The following GFM2 variants were observed in gnomAD, a reference collection of about 807,000 sequenced individuals.
The protein encoded by GFM2 is GTP dependent ribosome recycling factor mitochondrial 2.
Under a neutral mutation model 95.4 loss-of-function variants are expected in GFM2, and 72 were observed. The ratio of observed to expected loss-of-function variants is 0.76; its 90% CI spans 0.62 to 0.92. GFM2 has a LOEUF of 0.92. Ranked by LOEUF, GFM2 falls within the 40% of genes least tolerant of loss-of-function variation. The pLI, the probability that GFM2 is intolerant of heterozygous loss-of-function variation, is 0.00. For missense variants in GFM2, 825 were observed against 924.1 expected, an observed-to-expected ratio of 0.89 and a Z score of 1.39; for synonymous variants, 276 against 317.5, an observed-to-expected ratio of 0.87 and a Z score of 1.39.
At chr5:74,744,638 G>A (rs1040163804) in intron 10 of GFM2, among the ~76,000 whole-genome samples, 2 of 152,020 alleles carry the variant, frequency 1.3e-5, no homozygotes, top group Non-Finnish European at 2.9e-5. Context: ...TAAAATTGAT[G>A]GTTTTAAAAT....
At chr5:74,738,007 C>T (rs1158435291) in intron 14 of GFM2, among the ~76,000 whole-genome samples, 1 of 151,988 alleles carries the variant, frequency 6.6e-6, no homozygotes, top group Non-Finnish European at 1.5e-5. Context: ...CCAATGGGAA[C>T]AAAACAATAT....
chr5:74,721,902 T>C (rs1178386684), intron 20 of GFM2, 119 bp from the exon 21 acceptor site: 1 of 852,836 alleles, frequency 1.2e-6, no homozygotes, highest in Non-Finnish European at 1.8e-6. Flanking sequence ...GGCTTAGCCA[T>C]ATCACTTCCT....
At chr5:74,747,974 T>G (rs1255280713) in intron 7 of GFM2, among the ~76,000 whole-genome samples, 194 bp from the exon 8 acceptor site, 1 of 152,174 alleles carries the variant, frequency 6.6e-6, no homozygotes, top group Non-Finnish European at 1.5e-5. Flanking sequence ...CGTGATGAAG[T>G]GTGAAGGGGA....
chr5:74,758,007 T>C (rs1008194601), intron 5 of GFM2, among the ~76,000 whole-genome samples: 11 of 152,134 alleles, frequency 7.2e-5, no homozygotes, highest in African/African-American at 2.7e-4. Context: ...GTTTTGAAGA[T>C]TGGTTGCACA....
intron 17 of GFM2, among the ~76,000 whole-genome samples, chr5:74,728,090 C>T (rs866580810): frequency 1.6e-4 from 25 of 152,082 alleles, no homozygotes; most frequent in African/African-American, 5.8e-4. Context: ...TATGTGAGAT[C>T]ATGCCCATCG....
chr5:74,746,338 A>T (rs1337422975), intron 8 of GFM2, among the ~76,000 whole-genome samples, 173 bp from the exon 9 acceptor site: 4 of 152,246 alleles, frequency 2.6e-5, no homozygotes, highest in Non-Finnish European at 1.5e-5. Context: ...AAATGTCTGG[A>T]ATAAACTTTT....
chr5:74,751,526 T>C (rs371096174), intron 5 of GFM2, 33 bp from the exon 6 acceptor site: 57 of 1,544,668 alleles, frequency 3.7e-5, no homozygotes, highest in Non-Finnish European at 4.5e-5. Context: ...AGTTTAGTCT[T>C]AATAGCAAGT....
intron 2 of GFM2, 56 bp downstream of exon 2, chr5:74,763,624 G>A: frequency 1.0e-6 from 1 of 964,648 alleles, no homozygotes. Flanking sequence ...GGGCATTTTA[G>A]GCAGTAAAGG....
At chr5:74,730,549 C>G (rs973660067) in intron 16 of GFM2, 151 bp from the exon 17 acceptor site, 1 of 483,186 alleles carries the variant, frequency 2.1e-6, no homozygotes, top group African/African-American at 2.0e-5. Context: ...TACATCAAAA[C>G]ATTGCTTTTG....
chr5:74,731,680 G>A (rs893381895), intron 16 of GFM2, among the ~76,000 whole-genome samples: 6 of 152,022 alleles, frequency 3.9e-5, no homozygotes, highest in Admixed American at 1.3e-4. Context: ...AACTATTTGG[G>A]GAAAATAGTT....
At chr5:74,747,019 C>T (rs531293019) in intron 8 of GFM2, among the ~76,000 whole-genome samples, 2 of 152,202 alleles carry the variant, frequency 1.3e-5, no homozygotes, top group Non-Finnish European at 2.9e-5. Context: ...TCACAGGCCA[C>T]AATCTCTCCC....
chr5:74,763,527 GTAAT>G (rs1354144268), intron 2 of GFM2, among the ~76,000 whole-genome samples, 149 bp downstream of exon 2: 1 of 152,020 alleles, frequency 6.6e-6, no homozygotes, highest in African/African-American at 2.4e-5. Flanking sequence ...ATAAATTAAG[GTAAT>G]TACTTTCAAA....
intron 17 of GFM2, 41 bp from the exon 18 acceptor site, chr5:74,726,167 G>C: frequency 6.7e-7 from 1 of 1,489,196 alleles, no homozygotes; most frequent in East Asian, 2.3e-5. Flanking sequence ...GATTAATTCT[G>C]GAAAGGTATC....
At chr5:74,724,262 G>A (rs1327025872) in intron 19 of GFM2, among the ~76,000 whole-genome samples, 1 of 152,032 alleles carries the variant, frequency 6.6e-6, no homozygotes, top group Non-Finnish European at 1.5e-5. Flanking sequence ...TGAGGGCTTG[G>A]GGTCAATTTA....
Position 74,759,077 on chromosome 5 carries a change from T to C in GFM2, c.207-131A>G. 9.3e-6 allele frequency: 6 copies of C among 645,422 alleles called. 2 individuals carry two copies. The South Asian group carries it at 1.2e-4, about 13-fold the overall frequency. 40.0% of individuals were successfully genotyped at this position (645,422 alleles called of 1,614,324 possible). The stretch of plus-strand genomic sequence containing the variant: ...GTAAAAACTAGAAAAATGGAAAACA[T>C]TTAGAGTATATCCACATTACTCTGA... On this transcript the variant is annotated intron_variant, in intron 4 of 20. Coordinates refer to ENST00000296805, the MANE Select transcript of GFM2 (RefSeq NM_032380.5).
chr5:74,745,616 A>G, intron 10 of GFM2, 62 bp downstream of exon 10: 1 of 1,357,810 alleles, frequency 7.4e-7, no homozygotes, highest in African/African-American at 1.5e-5. Flanking sequence ...CTAAAGTATG[A>G]CTATATTTTA....
intron 10 of GFM2, among the ~76,000 whole-genome samples, chr5:74,742,980 C>A (rs56127814): frequency 0.15 from 22,455 of 152,190 alleles, 1,908 homozygotes; most frequent in African/African-American, 0.23. Flanking sequence ...TGTACTCTTG[C>A]ACAGTTCAGT....
At chr5:74,729,430 T>C (rs1579973823) in intron 17 of GFM2, among the ~76,000 whole-genome samples, 1 of 152,326 alleles carries the variant, frequency 6.6e-6, no homozygotes, top group Middle Eastern at 3.4e-3. Context: ...TTTTCCCAGA[T>C]TACTACTCCT....
chr5:74,731,224 G>A (rs1435836370), intron 16 of GFM2, among the ~76,000 whole-genome samples: 1 of 152,182 alleles, frequency 6.6e-6, no homozygotes, highest in East Asian at 1.9e-4. Flanking sequence ...CCAACAACAT[G>A]GGCATTTCCC....
Sources: gnomAD v4.1 joint callset for allele counts (sites outside exome capture counted in the v4.1 genomes callset) on GRCh38, gnomAD v4.1.1 for gene constraint, MANE v1.5 for transcripts, NCBI Gene and HGNC (gene_info 2026-07-23, HGNC 2026-07-21) for gene names.